The following ARHGEF17 variants were observed in gnomAD, a reference collection of about 807,000 sequenced individuals.
The protein encoded by ARHGEF17 is Rho guanine nucleotide exchange factor 17, also known as 164 kDa Rho-specific guanine-nucleotide exchange factor.
In ARHGEF17, 80 loss-of-function variants were observed where a neutral mutation model predicts 174.0. The observed-to-expected ratio is 0.46, with a 90% CI of 0.38 to 0.55. The LOEUF is 0.55. ARHGEF17 is among the 20% of genes least tolerant of loss of function. ARHGEF17 has a pLI of 0.00. For missense variants in ARHGEF17, 2,886 were observed against 2,839.7 expected (o/e 1.02, Z -0.37); for synonymous variants, 1,311 against 1,189.1 (o/e 1.10, Z -2.11).
chr11:73,324,399 C>T (rs574465685), intron 1 of ARHGEF17, among the ~76,000 whole-genome samples: 24 of 152,284 alleles, frequency 1.6e-4, no homozygotes, highest in Admixed American at 9.8e-4. Flanking sequence ...CCTGGGGGAG[C>T]GCCCAGGCTC....
chr11:73,365,375 C>T lies in ARHGEF17; in HGVS notation c.5551-15C>T. On this transcript the variant is annotated splice_polypyrimidine_tract_variant and intron_variant, in intron 18 of 20. Coordinates refer to ENST00000263674, the MANE Select transcript of ARHGEF17 (RefSeq NM_014786.4). This position sits in a 1 kb window ranked among gnomAD's most constrained non-coding sequence, Gnocchi z 4.9. Reference sequence around the variant, plus strand: ...AGGCCTGCCAATGACCCATCTTCTCCCCCGCCTTCCCCAGCACATGTTTTA... The same window carrying T: ...AGGCCTGCCAATGACCCATCTTCTCTCCCGCCTTCCCCAGCACATGTTTTA... The T allele has an allele frequency of 1.2e-6, 2 of 1,613,524 alleles. No individual in the cohort carries two copies. Among genetic ancestry groups the T allele is most frequent in the Non-Finnish European group, 1.7e-6 (2 of 1,179,840 alleles).
At position 73,356,318 on chromosome 11, in the gene ARHGEF17, G is replaced by C; in HGVS notation, c.3807G>C (p.Gln1269His). ...CGGAGCGCCATGCCCGTGTGCTGCA[G>C]GAGATAGAGGCTCACATCGAGGGCA... Reference protein sequence around the residue: ...EEAERHARVLQEIEAHIEGME... With the variant: ...EEAERHARVLHEIEAHIEGME... Residue 1269 changes from glutamine (Q) to histidine (H), a missense_variant, in exon 6 of 21, where the codon CAG (glutamine) becomes CAC (histidine). Gln to His is a conservative substitution (Grantham distance 24, BLOSUM62 0). Around this residue, in one of 4 missense-constraint regions of ARHGEF17, gnomAD observed 353 missense variants for 470.3 expected, o/e 0.75. Coordinates refer to ENST00000263674, the MANE Select transcript of ARHGEF17 (RefSeq NM_014786.4). 1 of 1,612,778 alleles carries C rather than the reference G, an allele frequency of 6.2e-7. No individual in the cohort carries two copies. The highest frequency in any genetic ancestry group is 1.1e-5 in the South Asian group (1 of 91,076).
At chr11:73,321,098 T>C (rs918950301) in intron 1 of ARHGEF17, among the ~76,000 whole-genome samples, 2 of 152,166 alleles carry the variant, frequency 1.3e-5, no homozygotes, top group African/African-American at 4.8e-5. Context: ...GGCACCTCTT[T>C]CCAGCCGTGA....
At chr11:73,349,198 A>G (rs1865512733) in intron 2 of ARHGEF17, among the ~76,000 whole-genome samples, 1 of 152,180 alleles carries the variant, frequency 6.6e-6, no homozygotes, top group Non-Finnish European at 1.5e-5. Flanking sequence ...CATTAGGGTC[A>G]GACAGTCCAG....
intron 1 of ARHGEF17, among the ~76,000 whole-genome samples, chr11:73,344,442 T>C (rs1423637177): frequency 1.3e-5 from 2 of 152,188 alleles, no homozygotes; most frequent in Non-Finnish European, 2.9e-5. Flanking sequence ...CACCCCAGCC[T>C]CCCGGCATCA....
intron 2 of ARHGEF17, chr11:73,347,199 C>T: frequency 3.3e-6 from 2 of 603,016 alleles, no homozygotes; most frequent in Non-Finnish European, 6.1e-6. Flanking sequence ...CGTCCCTACC[C>T]TGCTGTTCTT....
Position 73,364,460 on chromosome 11 carries a change from T to C in ARHGEF17, c.5410T>C (p.Trp1804Arg), listed in dbSNP as rs1310101472. Residue 1804 changes from tryptophan (W) to arginine (R), a missense_variant, in exon 18 of 21, where the codon TGG (tryptophan) becomes CGG (arginine). Physicochemically the swap from Trp to Arg is moderately radical, Grantham distance 101. Transcript: ENST00000263674. ...TCTTTACCCCACTCCAGGCCATTTC[T>C]GGGACCCCCAGAACTTCAAATCAGT... is the stretch of plus-strand genomic sequence containing the variant. ...VVYQREAGHF[W>R]DPQNFKSVTL... 6.2e-7 allele frequency: 1 copy of C among 1,613,406 alleles called. No homozygotes were observed. The highest frequency in any genetic ancestry group is 1.1e-5 in the South Asian group (1 of 91,074).
Position 73,309,428 on chromosome 11 carries a change from G to A in ARHGEF17, c.790G>A (p.Ala264Thr), listed in dbSNP as rs1434228033. 5 of 1,546,536 alleles carry A rather than the reference G, an allele frequency of 3.2e-6. No homozygotes were observed. The highest frequency in any genetic ancestry group is 2.4e-5 in the South Asian group (2 of 82,620). Residue 264 changes from alanine (A) to threonine (T), a missense_variant, in exon 1 of 21, where the codon GCC becomes ACC. Ala to Thr is a moderately conservative substitution (Grantham distance 58). This residue lies in a region of ARHGEF17 where 1,728 missense variants were observed against 1,461.2 expected (regional missense o/e 1.18). Transcript: ENST00000263674. ...GGAGGGCCCGCCGCAGCTGCCTGGA[G>A]CCCAGAGTCCGGCCTACCACGGCGG... ...EEEGPPQLPG[A>T]QSPAYHGGHS...
Position 73,309,354 on chromosome 11 carries a change from C to T in ARHGEF17, c.716C>T (p.Ser239Phe), listed in dbSNP as rs147871402. ...ASCSSSSIAASYPVSRSRAAS... is the reference protein window; with the variant it reads ...ASCSSSSIAAFYPVSRSRAAS... ...TGCTCCTCCTCCTCCATCGCCGCCT[C>T]CTATCCTGTCAGCCGCAGTCGTGCT... The change falls in exon 1 of 21, where the codon TCC becomes TTC. Residue 239 changes from serine (S) to phenylalanine (F), a missense_variant. Around this residue, in one of 4 missense-constraint regions of ARHGEF17, gnomAD observed 1,728 missense variants for 1,461.2 expected, o/e 1.18. Transcript: ENST00000263674. 8.1e-6 allele frequency: 13 copies of T among 1,606,114 alleles called. No homozygotes were observed. The highest frequency in any genetic ancestry group is 6.8e-6 in the Non-Finnish European group (8 of 1,177,158).
intron 20 of ARHGEF17, 112 bp from the exon 21 acceptor site, chr11:73,367,472 G>A (rs1865859209): frequency 3.3e-6 from 3 of 897,770 alleles, no homozygotes; most frequent in Non-Finnish European, 5.1e-6. Context: ...TCCCCCATAG[G>A]AAGTGTGCAC....
chr11:73,311,289 A>G lies in ARHGEF17; in HGVS notation c.2651A>G (p.Gln884Arg). 1 of 1,613,170 alleles carries G rather than the reference A, an allele frequency of 6.2e-7. No individual in the cohort carries two copies. Among genetic ancestry groups the G allele is most frequent in the East Asian group, 2.2e-5 (1 of 44,866 alleles). ...EEPGATRSRA[Q>R]SERALPEALP... ...CCTGGTGCCACCAGGAGCCGGGCACAGTCTGAAAGGGCCCTACCTGAGGCT... is the reference window on the plus strand; with the variant it reads ...CCTGGTGCCACCAGGAGCCGGGCACGGTCTGAAAGGGCCCTACCTGAGGCT... Residue 884 changes from glutamine (Q) to arginine (R), a missense_variant, in exon 1 of 21, where the codon CAG becomes CGG. Physicochemically the swap from Gln to Arg is conservative, Grantham distance 43 (BLOSUM62 1). Transcript: ENST00000263674.
chr11:73,356,813 C>G lies in ARHGEF17; in HGVS notation c.3891+54C>G, dbSNP rs1865650165. On this transcript the variant is annotated intron_variant, in intron 7 of 20. Coordinates refer to ENST00000263674, the MANE Select transcript of ARHGEF17 (RefSeq NM_014786.4). ...TGTCCCCACCTCCTCACTTTGTCCT[C>G]TCTTCTGCTCACACCCTCTACCTGC... The G allele has an allele frequency of 1.9e-6, 3 of 1,611,292 alleles. No individual in the cohort carries two copies. In the Admixed American group the frequency reaches 5.0e-5, roughly 27 times the overall value.
At chr11:73,318,321 T>C (rs1206539458) in intron 1 of ARHGEF17, among the ~76,000 whole-genome samples, 1 of 152,082 alleles carries the variant, frequency 6.6e-6, no homozygotes, top group Non-Finnish European at 1.5e-5. Context: ...AGAAGTGTGA[T>C]GTTGCAGCTG....
At chr11:73,313,143 C>G (rs1417394357) in intron 1 of ARHGEF17, among the ~76,000 whole-genome samples, 1 of 152,226 alleles carries the variant, frequency 6.6e-6, no homozygotes, top group African/African-American at 2.4e-5. Flanking sequence ...CTCTTTGTTT[C>G]TCTCTCCTTG....
chr11:73,339,959 A>G (rs1480387592), intron 1 of ARHGEF17, among the ~76,000 whole-genome samples: 1 of 152,144 alleles, frequency 6.6e-6, no homozygotes, highest in Admixed American at 6.5e-5. Context: ...AGCCACACTC[A>G]TTCTATACAA....
rs774220216 is a variant in ARHGEF17, at chr11:73,367,797, C to T, written c.*17C>T. 5 of 1,592,644 alleles carry T rather than the reference C, an allele frequency of 3.1e-6. 1 individual carries two copies. The highest frequency in any genetic ancestry group is 3.4e-4 in the Middle Eastern group (2 of 5,902). On this transcript the variant is annotated 3_prime_UTR_variant, in exon 21 of 21. Transcript: ENST00000263674. ...AGGGTGTGACCCTGTCTGCCGTGGC[C>T]CAGGACTCGCCCGCCCACCTGCCTT...
At chr11:73,332,085 C>G (rs1865213507) in intron 1 of ARHGEF17, among the ~76,000 whole-genome samples, 1 of 152,200 alleles carries the variant, frequency 6.6e-6, no homozygotes, top group South Asian at 2.1e-4. Flanking sequence ...ACCACTGACC[C>G]CTGAGGGGAC....
At chr11:73,355,323 A>G (rs982228872) in intron 3 of ARHGEF17, among the ~76,000 whole-genome samples, 3 of 152,230 alleles carry the variant, frequency 2.0e-5, no homozygotes, top group African/African-American at 7.2e-5. Flanking sequence ...CCCAGATAAT[A>G]TGAGCACTCG....
rs559282904 is a variant in ARHGEF17 at position 73,322,785 on chromosome 11, A to G, written c.3192+10955A>G. On this transcript the variant is annotated intron_variant, in intron 1 of 20. Transcript: ENST00000263674. ...CTCCCCTCTCCCTTTCTGGGAGAGG[A>G]AGGGCTGGGAGCACTGCCAGCTTTG... is the stretch of plus-strand genomic sequence containing the variant. Among the ~76,000 whole-genome samples the G allele has an allele frequency of 8.1e-4, 123 of 152,054 alleles. 1 individual carries two copies. Among genetic ancestry groups the G allele is most frequent in the African/African-American group, 2.7e-3 (111 of 41,460 alleles).
Sources: allele counts gnomAD v4.1 joint callset (sites outside exome capture counted in the v4.1 genomes callset), GRCh38; gene constraint gnomAD v4.1.1; regional missense constraint gnomAD v4.1.1; non-coding constraint Gnocchi (gnomAD v3.1); transcripts MANE v1.5; gene names NCBI Gene and HGNC (gene_info 2026-07-23, HGNC 2026-07-21).